Variants in CCDC141 observed in about 807,000 individuals in gnomAD.
CCDC141 encodes coiled-coil domain-containing protein 141.
In CCDC141, 168 loss-of-function variants were observed where a neutral mutation model predicts 181.0. The observed-to-expected ratio is 0.93, with a 90% CI of 0.82 to 1.05. The LOEUF (loss-of-function observed/expected upper bound fraction) is 1.05. CCDC141 is among the 50% of genes least tolerant of loss of function. CCDC141 has a pLI of 0.00. For synonymous variants in CCDC141, 666 were observed against 642.3 expected (o/e 1.04, Z -0.56); for missense variants, 1,902 against 1,788.5 (o/e 1.06, Z -1.14).
chr2:178,920,525 CA>C (rs1299280370), intron 6 of CCDC141, among the ~76,000 whole-genome samples: 25 of 152,174 alleles, frequency 1.6e-4, no homozygotes, highest in Admixed American at 1.6e-3. Flanking sequence ...AGTTTGAGAC[CA>C]GCCTGGGCAA....
intron 2 of CCDC141, among the ~76,000 whole-genome samples, chr2:178,987,954 C>G (rs1339501094): frequency 2.6e-5 from 4 of 151,114 alleles, no homozygotes; most frequent in Non-Finnish European, 5.9e-5. Flanking sequence ...TTTGACCCAG[C>G]CATCCCATTA....
chr2:178,973,187 T>C (rs975373854), intron 4 of CCDC141, among the ~76,000 whole-genome samples: 5 of 152,172 alleles, frequency 3.3e-5, no homozygotes, highest in Non-Finnish European at 7.3e-5. Context: ...ATTAGTTGGT[T>C]AATAAATTGC....
In CCDC141 at chr2:178,885,056, T is replaced by C. The variant is rs150214209; in HGVS notation, c.1564A>G (p.Met522Val). The change falls in exon 11 of 24, where the codon ATG becomes GTG. Residue 522 changes from methionine (M) to valine (V), a missense_variant. By Grantham distance (21) the Met-to-Val change is conservative. Transcript: ENST00000443758. Reference sequence around the variant, plus strand: ...GATACAAATTCATTTTTCTCCATCATGGTTTTTGCAGCTGCTTCTAATTCA... The same window carrying C: ...GATACAAATTCATTTTTCTCCATCACGGTTTTTGCAGCTGCTTCTAATTCA... ...SHELEAAAKT[M>V]MEKNEFVSDE... 1.9e-6 allele frequency: 3 copies of C among 1,550,316 alleles called. No homozygotes were observed. Among genetic ancestry groups the C allele is most frequent in the Non-Finnish European group, 2.6e-6 (3 of 1,146,770 alleles).
intron 16 of CCDC141, among the ~76,000 whole-genome samples, chr2:178,866,417 T>C (rs1685853373): frequency 2.0e-5 from 3 of 152,204 alleles, no homozygotes; most frequent in African/African-American, 7.2e-5. Context: ...TAAAAATAAA[T>C]GTACTAATAA....
chr2:178,949,259 G>C (rs1689853558), intron 5 of CCDC141, among the ~76,000 whole-genome samples: 1 of 152,118 alleles, frequency 6.6e-6, no homozygotes, highest in Non-Finnish European at 1.5e-5. Flanking sequence ...GGTAAAAGAA[G>C]TTAACTAGCC....
intron 2 of CCDC141, among the ~76,000 whole-genome samples, chr2:179,041,625 G>A (rs1156690179): frequency 3.3e-5 from 5 of 151,002 alleles, no homozygotes; most frequent in South Asian, 4.2e-4. Flanking sequence ...AATGGCAAGC[G>A]GGATAAAGAA....
chr2:179,015,082 A>ATATATATAT (rs1553502710), intron 2 of CCDC141, among the ~76,000 whole-genome samples: 1 of 40,112 alleles, frequency 2.5e-5, no homozygotes, highest in African/African-American at 7.7e-5. Context: ...ATATATATAT[A>ATATATATAT]TATATATATA....
At chr2:178,815,376 T>C in the CCDC141 span, among the ~76,000 whole-genome samples, 1 of 152,190 alleles carries the variant, frequency 6.6e-6, no homozygotes, top group Non-Finnish European at 1.5e-5. Flanking sequence ...ACTGCTCATC[T>C]CTAGGCCTTC....
At chr2:178,820,417 A>T in the CCDC141 span, among the ~76,000 whole-genome samples, 30,424 of 152,064 alleles carry the variant, frequency 0.2, 5,104 homozygotes, top group East Asian at 0.73. Flanking sequence ...ATAATTTTAC[A>T]AATCGGATTC....
intron 22 of CCDC141, among the ~76,000 whole-genome samples, chr2:178,839,192 T>C (rs1431230542): frequency 6.6e-6 from 1 of 152,026 alleles, no homozygotes; most frequent in Admixed American, 6.6e-5. Context: ...GGTAGGGGGA[T>C]CACAAGGTCA....
At position 178,833,151 on chromosome 2, in the gene CCDC141, G is replaced by A. The variant is rs947348095; in HGVS notation, c.*1022C>T. The A allele has an allele frequency of 6.6e-6, 1 of 151,966 alleles. No homozygotes were observed. Among genetic ancestry groups the A allele is most frequent in the Non-Finnish European group, 1.5e-5 (1 of 67,996 alleles). The allele number at this position is 151,966 out of a possible 1,614,324, so 9.4% of individuals were successfully genotyped here. A position where few individuals can be genotyped will look rare whatever the true frequency, so the allele number is the denominator to read the frequency against. ...ACTAGTTGAAGATTACATATTAACA[G>A]CACTCCTTTAATTTAATATTCTAAA... is the stretch of plus-strand genomic sequence containing the variant. On this transcript the variant is annotated 3_prime_UTR_variant, in exon 24 of 24. Coordinates refer to ENST00000443758, the MANE Select transcript of CCDC141 (RefSeq NM_173648.4).
At chr2:178,871,263 A>C (rs1686108822) in intron 14 of CCDC141, among the ~76,000 whole-genome samples, 164 bp downstream of exon 14, 1 of 152,232 alleles carries the variant, frequency 6.6e-6, no homozygotes, top group Admixed American at 6.5e-5. Flanking sequence ...AGAATGCAGG[A>C]AAAAAGTAAG....
chr2:178,934,380 G>A (rs755887102), intron 6 of CCDC141, among the ~76,000 whole-genome samples: 1 of 152,116 alleles, frequency 6.6e-6, no homozygotes, highest in African/African-American at 2.4e-5. Context: ...TTCAAAGGTT[G>A]AATTCAAGCT....
intron 5 of CCDC141, among the ~76,000 whole-genome samples, chr2:178,951,945 G>T (rs1689968609): frequency 6.6e-6 from 1 of 152,152 alleles, no homozygotes; most frequent in South Asian, 2.1e-4. Context: ...TAACCAAAAT[G>T]TTGTTAAGCC....
At chr2:178,883,801 T>C (rs754025630) in intron 11 of CCDC141, among the ~76,000 whole-genome samples, 13 of 151,934 alleles carry the variant, frequency 8.6e-5, no homozygotes, top group Non-Finnish European at 7.4e-5. Context: ...CTATTACTGA[T>C]GACAGCTTCA....
intron 22 of CCDC141, among the ~76,000 whole-genome samples, chr2:178,839,654 T>C (rs1684644394): frequency 6.7e-6 from 1 of 148,444 alleles, no homozygotes; most frequent in African/African-American, 2.5e-5. Flanking sequence ...TTGCTTCTAC[T>C]ATCCCACAGA....
At chr2:178,997,540 T>G (rs557338482) in intron 2 of CCDC141, among the ~76,000 whole-genome samples, 1 of 152,150 alleles carries the variant, frequency 6.6e-6, no homozygotes, top group African/African-American at 2.4e-5. Flanking sequence ...GTTGTCTCAC[T>G]CACATTTACA....
intron 19 of CCDC141, among the ~76,000 whole-genome samples, chr2:178,854,309 G>A (rs1236350303): frequency 1.3e-5 from 2 of 152,150 alleles, no homozygotes; most frequent in African/African-American, 4.8e-5. Flanking sequence ...CGGATCACGA[G>A]GTCAGGAGAT....
chr2:178,935,242 A>G (rs765724610), intron 6 of CCDC141, among the ~76,000 whole-genome samples: 2 of 152,130 alleles, frequency 1.3e-5, no homozygotes, highest in Middle Eastern at 3.4e-3. Context: ...CCAGTCCCCA[A>G]TAGTTATCTT....
Sources: allele counts gnomAD v4.1 joint callset (sites outside exome capture counted in the v4.1 genomes callset), GRCh38; gene constraint gnomAD v4.1.1; transcripts MANE v1.5; gene names NCBI Gene and HGNC (gene_info 2026-07-23, HGNC 2026-07-21).